CNTN1: variants seen among roughly 807,000 people sequenced by gnomAD.
The protein encoded by CNTN1 is contactin-1.
A neutral mutation model predicts 126.4 loss-of-function variants in CNTN1; 38 were observed. The observed-to-expected ratio is 0.30, with a 90% CI of 0.23 to 0.39. The LOEUF is 0.39. Among genes scored for constraint, CNTN1 ranks in the 10% least tolerant of loss-of-function variants. The pLI, the probability that CNTN1 is intolerant of heterozygous loss-of-function variation, is 1.00. For missense variants in CNTN1, 1,009 were observed against 1,248.4 expected (o/e 0.81, Z 2.89); for synonymous variants, 413 against 422.6 (o/e 0.98, Z 0.28).
intron 23 of CNTN1, among the ~76,000 whole-genome samples, chr12:41,055,199 A>C (rs1047779495): frequency 2.0e-5 from 3 of 152,164 alleles, no homozygotes; most frequent in Non-Finnish European, 4.4e-5. Flanking sequence ...ATTAATATAC[A>C]TGAGAGGATC....
At chr12:41,033,761 G>A (rs1231693394) in intron 23 of CNTN1, among the ~76,000 whole-genome samples, 6 of 151,960 alleles carry the variant, frequency 3.9e-5, no homozygotes, top group East Asian at 1.9e-4. Context: ...GTCCTGGGCC[G>A]GGTGCAGTGG....
intron 1 of CNTN1, among the ~76,000 whole-genome samples, chr12:40,781,573 C>A (rs1273800230): frequency 6.6e-6 from 1 of 151,854 alleles, no homozygotes; most frequent in Non-Finnish European, 1.5e-5. Flanking sequence ...CTTGTATGGG[C>A]TAATGGGAGG....
chr12:40,752,574 G>A (rs1938443956), intron 1 of CNTN1, among the ~76,000 whole-genome samples: 1 of 152,012 alleles, frequency 6.6e-6, no homozygotes, highest in East Asian at 1.9e-4. Context: ...TGATCCAGGT[G>A]TCAACTTCAA....
At chr12:40,706,120 A>C (rs1366316325) in intron 1 of CNTN1, among the ~76,000 whole-genome samples, 1 of 151,464 alleles carries the variant, frequency 6.6e-6, no homozygotes, top group Non-Finnish European at 1.5e-5. Context: ...ATAGATATAT[A>C]GATATTTTTA....
At chr12:40,880,461 T>C (rs1412530276) in intron 1 of CNTN1, among the ~76,000 whole-genome samples, 1 of 152,056 alleles carries the variant, frequency 6.6e-6, no homozygotes, top group Non-Finnish European at 1.5e-5. Flanking sequence ...TAAATACCTT[T>C]GTCTGTAATG....
At chr12:40,958,351 A>ATG (rs34419027) in intron 14 of CNTN1, among the ~76,000 whole-genome samples, 12,571 of 147,060 alleles carry the variant, frequency 0.085, 531 homozygotes, top group Middle Eastern at 0.13. Context: ...GTGTGTATAT[A>ATG]TGTGTGTGTG....
In CNTN1 at chr12:40,922,124, C is replaced by A. The variant is rs1000624438; in HGVS notation, c.228-132C>A. On this transcript the variant is annotated intron_variant, in intron 4 of 23. Coordinates refer to ENST00000551295, the MANE Select transcript of CNTN1 (RefSeq NM_001843.4). ...CAGAATCATAGAGTACAAAGAAATA[C>A]CACCTGAATCATATTCTTAATTGTC... 1.3e-5 allele frequency: 10 copies of A among 749,782 alleles called. No homozygotes were observed. In the African/African-American group the frequency reaches 1.6e-4, roughly 12 times the overall value. 46.4% of individuals were successfully genotyped at this position (749,782 alleles called of 1,614,324 possible).
At chr12:40,912,654 A>G (rs1414252597) in intron 3 of CNTN1, among the ~76,000 whole-genome samples, 1 of 152,056 alleles carries the variant, frequency 6.6e-6, no homozygotes, top group Non-Finnish European at 1.5e-5. Flanking sequence ...AACTATCTTC[A>G]TTGCTTAGCT....
intron 1 of CNTN1, among the ~76,000 whole-genome samples, chr12:40,737,244 TAGTC>T (rs1269964085): frequency 1.3e-5 from 2 of 150,730 alleles, no homozygotes; most frequent in South Asian, 2.1e-4. Flanking sequence ...ACACTTGTAT[TAGTC>T]AGGGTTCTCT....
At chr12:40,814,898 G>A (rs763588053) in intron 1 of CNTN1, among the ~76,000 whole-genome samples, 4 of 152,058 alleles carry the variant, frequency 2.6e-5, no homozygotes, top group East Asian at 1.9e-4. Flanking sequence ...AGCTGTCCTC[G>A]AAAAGGTCCT....
At chr12:40,799,713 C>A (rs1284681239) in intron 1 of CNTN1, among the ~76,000 whole-genome samples, 1 of 151,958 alleles carries the variant, frequency 6.6e-6, no homozygotes, top group East Asian at 1.9e-4. Context: ...ATGGTGACAG[C>A]TTGCATAAAG....
rs370971706 is a variant in CNTN1 at position 40,925,800 on chromosome 12, TTATATATATA to T, written c.496+1168_496+1177del. Among the ~76,000 whole-genome samples the T allele has an allele frequency of 2.6e-3, 300 of 116,578 alleles. 1 individual carries two copies. Among genetic ancestry groups the T allele is most frequent in the Middle Eastern group, 6.0e-3 (1 of 166 alleles). The allele number at this position is 116,578 out of a possible 152,430, so 76.5% of individuals were successfully genotyped here. ...CCTTTTTCTTAAGGAACTATTGAAA[TTATATATATA>T]TATATATATATATATATATGTATGT... On this transcript the variant is annotated intron_variant, in intron 6 of 23. Coordinates refer to ENST00000551295, the MANE Select transcript of CNTN1 (RefSeq NM_001843.4).
intron 1 of CNTN1, among the ~76,000 whole-genome samples, chr12:40,793,373 T>C: frequency 6.6e-6 from 1 of 152,028 alleles, no homozygotes; most frequent in Admixed American, 6.6e-5. Flanking sequence ...CCTGTTAGTC[T>C]GTCTTTTGTT....
At chr12:40,752,210 C>T (rs547019349) in intron 1 of CNTN1, among the ~76,000 whole-genome samples, 1 of 152,160 alleles carries the variant, frequency 6.6e-6, no homozygotes, top group African/African-American at 2.4e-5. Flanking sequence ...TGAGCCTTGG[C>T]TTACAATGAC....
chr12:41,051,416 G>GCTGGC (rs1398102857), intron 23 of CNTN1, among the ~76,000 whole-genome samples: 1 of 151,804 alleles, frequency 6.6e-6, no homozygotes, highest in African/African-American at 2.4e-5. Context: ...CTCCCAAAGT[G>GCTGGC]CTGGGATTAC....
At chr12:40,956,144 G>A (rs906533098) in intron 14 of CNTN1, among the ~76,000 whole-genome samples, 7 of 152,058 alleles carry the variant, frequency 4.6e-5, no homozygotes, top group African/African-American at 1.4e-4. Context: ...TATCTTAAGA[G>A]CAGATACCAA....
At chr12:40,880,803 A>G (rs1479415682) in intron 1 of CNTN1, among the ~76,000 whole-genome samples, 2 of 151,956 alleles carry the variant, frequency 1.3e-5, no homozygotes, top group Admixed American at 1.3e-4. Flanking sequence ...TCTTGACTCT[A>G]TTTTCTTCTC....
At chr12:40,959,380 A>T (rs1231627158) in intron 15 of CNTN1, 146 bp downstream of exon 15, 1 of 843,206 alleles carries the variant, frequency 1.2e-6, no homozygotes, top group Non-Finnish European at 1.9e-6. Flanking sequence ...GCTTCTTCCC[A>T]TGCCTAAGAA....
At chr12:40,926,221 A>ATAGG (rs1346464892) in intron 6 of CNTN1, among the ~76,000 whole-genome samples, 1 of 151,792 alleles carries the variant, frequency 6.6e-6, no homozygotes, top group South Asian at 2.1e-4. Flanking sequence ...AGATAGATAG[A>ATAGG]TATAATGCAG....
Sources: gnomAD v4.1 joint callset for allele counts (sites outside exome capture counted in the v4.1 genomes callset) on GRCh38, gnomAD v4.1.1 for gene constraint, MANE v1.5 for transcripts, NCBI Gene and HGNC (gene_info 2026-07-23, HGNC 2026-07-21) for gene names.